The following ZAN variants were observed in gnomAD, a reference collection of about 807,000 sequenced individuals.
ZAN encodes the protein zonadhesin (gene/pseudogene).
In ZAN, 260 loss-of-function variants were observed where a neutral mutation model predicts 286.2. The ratio of observed to expected loss-of-function variants is 0.91; its 90% CI spans 0.82 to 1.01. The LOEUF (loss-of-function observed/expected upper bound fraction) is 1.01. ZAN is among the 50% of genes least tolerant of loss of function. ZAN has a pLI of 0.00. For synonymous variants in ZAN, 1,368 were observed against 1,417.5 expected (o/e 0.97, Z 0.79); for missense variants, 3,410 against 3,639.2 (o/e 0.94, Z 1.62).
At chr7:100,734,762 G>A (rs1378781173) in intron 2 of ZAN, among the ~76,000 whole-genome samples, 5 of 141,378 alleles carry the variant, frequency 3.5e-5, no homozygotes. Context: ...AGGGACGGAG[G>A]AGGTGCAGAG....
chr7:100,750,375 T>C (rs1808566887), intron 11 of ZAN, among the ~76,000 whole-genome samples: 1 of 152,116 alleles, frequency 6.6e-6, no homozygotes, highest in East Asian at 1.9e-4. Flanking sequence ...GACCTCGTGA[T>C]CCGCCAGCCT....
intron 10 of ZAN, 53 bp downstream of exon 10, chr7:100,748,268 G>T: frequency 2.5e-6 from 4 of 1,613,900 alleles, no homozygotes; most frequent in Middle Eastern, 1.6e-4. Context: ...GGTGGGCTGG[G>T]GGAGGGCTGG....
chr7:100,736,833 C>T lies in ZAN; in HGVS notation c.278C>T (p.Ser93Leu), dbSNP rs776645260. ...NGEGSYLHME[S>L]NSFHRGGVAR... ...GAGGGCAGCTATCTGCATATGGAAT[C>T]GAACAGCTTCCACCGTGGGGGAGTG... is the stretch of plus-strand genomic sequence containing the variant. The change falls in exon 5 of 48, where the codon TCG (serine) becomes TTG (leucine). Residue 93 changes from serine to leucine, a missense_variant. Ser to Leu is a moderately radical substitution (Grantham distance 145, BLOSUM62 -2). Coordinates refer to ENST00000613979, the MANE Select transcript of ZAN (RefSeq NM_003386.3). 2.8e-5 allele frequency: 41 copies of T among 1,480,364 alleles called. 9 individuals are homozygous for T. The highest frequency in any genetic ancestry group is 9.8e-5 in the Admixed American group (5 of 51,200). The allele number at this position is 1,480,364 out of a possible 1,614,324, so 91.7% of individuals were successfully genotyped here.
chr7:100,775,900 T>TG (rs894900558), intron 33 of ZAN, 67 bp downstream of exon 33: 9 of 1,577,798 alleles, frequency 5.7e-6, no homozygotes, highest in Non-Finnish European at 7.7e-6. Context: ...CCGGCAGGGA[T>TG]GGGGGGCAGT....
rs1410440738 is a variant in ZAN at position 100,783,803 on chromosome 7, C to CATATATATATAT, written c.6623-819_6623-818insTATATATATATA. On this transcript the variant is annotated intron_variant, in intron 35 of 47. Transcript: ENST00000613979. ...ATATATACACATATATATATATACA[C>CATATATATATAT]ACATATATATATACATATATATATA... 2.5e-3 allele frequency among the ~76,000 whole-genome samples: 131 copies of CATATATATATAT among 52,342 alleles called. 8 individuals are homozygous for CATATATATATAT. Among genetic ancestry groups the CATATATATATAT allele is most frequent in the Middle Eastern group, 0.012 (2 of 172 alleles). The allele number at this position is 52,342 out of a possible 152,430, so 34.3% of individuals were successfully genotyped here.
chr7:100,758,170 T>C, intron 15 of ZAN, 32 bp from the exon 16 acceptor site: 1 of 1,596,258 alleles, frequency 6.3e-7, no homozygotes, highest in Non-Finnish European at 8.5e-7. Context: ...AGGAGCTATA[T>C]GACTGTGTGA....
chr7:100,776,330 G>T, intron 33 of ZAN, 110 bp from the exon 34 acceptor site: 1 of 1,320,854 alleles, frequency 7.6e-7, no homozygotes, highest in East Asian at 3.1e-5. Context: ...GGGAGGGAGG[G>T]AGGGAGGGAG....
rs116847364 is a variant in ZAN, at chr7:100,767,414, C to T, written c.4860+157C>T. 5.2e-3 allele frequency among the ~76,000 whole-genome samples: 789 copies of T among 151,600 alleles called. 15 individuals are homozygous for T. In the East Asian group the frequency reaches 0.064, roughly 12 times the overall value. On this transcript the variant is annotated intron_variant, in intron 25 of 47. Coordinates refer to ENST00000613979, the MANE Select transcript of ZAN (RefSeq NM_003386.3). ...GACCCTCTTCTCTGGACTCCCTCCT[C>T]CCTCTGTGAAATACCCACCAGCACC... is the stretch of plus-strand genomic sequence containing the variant.
rs767108082 is a variant in ZAN, at chr7:100,751,885, CCCACAGAAAAACCCACCATCT to C, written c.1800_1820del (p.Ser601_Ile607del). ...AGTCCCCAAAGAAAAGCCCACCATT[CCCACAGAAAAACCCACCATCT>C]CCACAGAAAAACCCACCATTCCTTC... On this transcript the variant is annotated inframe_deletion, in exon 14 of 48. Coordinates refer to ENST00000613979, the MANE Select transcript of ZAN (RefSeq NM_003386.3). 8 of 1,613,428 alleles carry C rather than the reference CCCACAGAAAAACCCACCATCT, an allele frequency of 5.0e-6. No homozygotes were observed. The Admixed American group carries it at 1.2e-4, about 24-fold the overall frequency.
chr7:100,746,472 C>T, intron 7 of ZAN, 66 bp from the exon 8 acceptor site: 1 of 1,576,398 alleles, frequency 6.3e-7, no homozygotes. Flanking sequence ...CTCCTCAGGG[C>T]CCTATCTCTG....
rs905843366 is a variant in ZAN at position 100,767,370 on chromosome 7, AG to A, written c.4860+114del. 3.5e-6 allele frequency: 5 copies of A among 1,446,106 alleles called. No homozygotes were observed. The African/African-American group carries it at 7.1e-5, about 20-fold the overall frequency. 89.6% of individuals were successfully genotyped at this position (1,446,106 alleles called of 1,614,324 possible). A position where few individuals can be genotyped will look rare whatever the true frequency, so the allele number is the denominator to read the frequency against. On this transcript the variant is annotated intron_variant, in intron 25 of 47. Coordinates refer to ENST00000613979, the MANE Select transcript of ZAN (RefSeq NM_003386.3). ...CTCTGGCTCCTTAGAGCACCTGGGAAGCACCTGCAGCTGACCCAGACCCTCT... is the reference window on the plus strand; with the variant it reads ...CTCTGGCTCCTTAGAGCACCTGGGAACACCTGCAGCTGACCCAGACCCTCT...
Position 100,792,000 on chromosome 7 carries a change from G to C in ZAN, c.7564G>C (p.Glu2522Gln). 1 of 1,613,324 alleles carries C rather than the reference G, an allele frequency of 6.2e-7. No individual in the cohort carries two copies. Among genetic ancestry groups the C allele is most frequent in the Non-Finnish European group, 8.5e-7 (1 of 1,179,786 alleles). Reference sequence around the variant, plus strand: ...AGCGGAGGAGGAGGGACAAGGGGCGGAGCTGGGCCTCCGCACGGGCCTCCA... The same window carrying C: ...AGCGGAGGAGGAGGGACAAGGGGCGCAGCTGGGCCTCCGCACGGGCCTCCA... ...IPAEEEGQGA[E>Q]LGLRTGLQVS... The change falls in exon 41 of 48, where the codon GAG (glutamate) becomes CAG (glutamine). Residue 2522 changes from glutamate (E) to glutamine (Q), a missense_variant. By Grantham distance (29) the Glu-to-Gln change is conservative (BLOSUM62 2). Coordinates refer to ENST00000613979, the MANE Select transcript of ZAN (RefSeq NM_003386.3).
intron 26 of ZAN, 99 bp downstream of exon 26, chr7:100,768,110 T>C: frequency 7.3e-7 from 1 of 1,377,546 alleles, no homozygotes; most frequent in East Asian, 2.5e-5. Context: ...TTCTAAGTAC[T>C]TGTCAACTGA....
intron 45 of ZAN, among the ~76,000 whole-genome samples, chr7:100,796,966 T>A (rs1268397928): frequency 2.0e-5 from 3 of 151,926 alleles, no homozygotes; most frequent in African/African-American, 4.8e-5. Context: ...CAAGACCCCA[T>A]CTCTACAAAA....
At chr7:100,739,209 A>C (rs1485138953) in intron 7 of ZAN, among the ~76,000 whole-genome samples, 1 of 134,566 alleles carries the variant, frequency 7.4e-6, no homozygotes, top group Non-Finnish European at 1.6e-5. Flanking sequence ...ACAGGGTTTC[A>C]CCATGTTGGC....
At chr7:100,751,139 C>A in intron 12 of ZAN, 43 bp from the exon 13 acceptor site, 1 of 1,495,594 alleles carries the variant, frequency 6.7e-7, no homozygotes, top group South Asian at 1.3e-5. Flanking sequence ...GCTGGAGATT[C>A]ATTTTTGTTT....
chr7:100,779,541 G>C lies in ZAN; in HGVS notation c.6413G>C (p.Arg2138Pro). 1.2e-6 allele frequency: 2 copies of C among 1,612,092 alleles called. No homozygotes were observed. The highest frequency in any genetic ancestry group is 1.7e-6 in the Non-Finnish European group (2 of 1,179,218). Residue 2138 changes from arginine to proline, a missense_variant, in exon 35 of 48, where the codon CGG becomes CCG. Around this residue, in one of 7 missense-constraint regions of ZAN, gnomAD observed 1,289 missense variants for 1,314.3 expected, o/e 0.98. Transcript: ENST00000613979. ...NCRAADLRRA[R>P]EKCEAALRAP... Reference sequence around the variant, plus strand: ...AGGGCGGCCGACCTCCGCAGGGCGCGGGAAAAGTGCGAGGCAGCGCTCCGG... The same window carrying C: ...AGGGCGGCCGACCTCCGCAGGGCGCCGGAAAAGTGCGAGGCAGCGCTCCGG...
intron 11 of ZAN, among the ~76,000 whole-genome samples, chr7:100,748,878 T>G (rs1198045834): frequency 6.6e-6 from 1 of 151,548 alleles, no homozygotes; most frequent in Admixed American, 6.6e-5. Flanking sequence ...AAAAAAAATT[T>G]TTTTTTAATT....
chr7:100,748,184 A>G lies in ZAN; in HGVS notation c.1071A>G (p.Ala357=). The change falls in exon 10 of 48, where the codon GCA becomes GCG. Residue 357 remains alanine, a synonymous_variant. Transcript: ENST00000613979. The stretch of plus-strand genomic sequence containing the variant: ...GAAAGACCCCAGAGCCAGCTGTGGC[A>G]GTTGATGCAACCAGCATTGCTCCTT... ...VFGKTPEPAV[A]VDATSIAPCG... is the part of the protein sequence containing the mutation. The G allele has an allele frequency of 6.2e-7, 1 of 1,613,858 alleles. No homozygotes were observed. Among genetic ancestry groups the G allele is most frequent in the Non-Finnish European group, 8.5e-7 (1 of 1,179,870 alleles).
Sources: gnomAD v4.1 joint callset for allele counts (sites outside exome capture counted in the v4.1 genomes callset) on GRCh38, gnomAD v4.1.1 for gene constraint, gnomAD v4.1.1 regional missense constraint, MANE v1.5 for transcripts, NCBI Gene and HGNC (gene_info 2026-07-23, HGNC 2026-07-21) for gene names.